The following MPRIP variants were observed in gnomAD, a reference collection of about 807,000 sequenced individuals.
The protein encoded by MPRIP is myosin phosphatase Rho-interacting protein.
Under a neutral mutation model 234.9 loss-of-function variants are expected in MPRIP, and 59 were observed. The ratio of observed to expected loss-of-function variants is 0.25; its 90% CI spans 0.20 to 0.31. The LOEUF (loss-of-function observed/expected upper bound fraction) is 0.31. MPRIP is among the 10% of genes least tolerant of loss of function. MPRIP has a pLI of 1.00. For missense variants in MPRIP, 2,436 were observed against 3,071.0 expected (o/e 0.79, Z 4.89); for synonymous variants, 1,144 against 1,263.9 (o/e 0.91, Z 2.01).
Position 17,166,988 on chromosome 17 carries a change from C to A in MPRIP, c.5397C>A (p.Ala1799=), listed in dbSNP as rs2046014154. ...KASLLEEIAA[A]LPSLPPVESL... ...GCCTCTTAGAGGAGATAGCGGCTGC[C>A]TTACCATCTCTGCCACCTGTGGAAT... Residue 1799 remains alanine, a synonymous_variant, in exon 16 of 24, where the codon GCC becomes GCA. Coordinates refer to ENST00000651222, the MANE Select transcript of MPRIP (RefSeq NM_001364716.4). The surrounding 1 kb of genome is among the most constrained non-coding windows in gnomAD (Gnocchi z 4.4). 1 of 1,304,118 alleles carries A rather than the reference C, an allele frequency of 7.7e-7. No individual in the cohort carries two copies. The highest frequency in any genetic ancestry group is 1.5e-5 in the African/African-American group (1 of 65,868). 80.8% of individuals were successfully genotyped at this position (1,304,118 alleles called of 1,614,324 possible).
At position 17,142,409 on chromosome 17, in the gene MPRIP, G is replaced by A. The variant is rs2144505681; in HGVS notation, c.1251-218G>A. 1.5e-5 allele frequency: 8 copies of A among 524,640 alleles called. No individual in the cohort carries two copies. In the South Asian group the frequency reaches 1.6e-4, roughly 10 times the overall value. 32.5% of individuals were successfully genotyped at this position (524,640 alleles called of 1,614,324 possible). A position where few individuals can be genotyped will look rare whatever the true frequency, so the allele number is the denominator to read the frequency against. On this transcript the variant is annotated intron_variant, in intron 7 of 23. Coordinates refer to ENST00000651222, the MANE Select transcript of MPRIP (RefSeq NM_001364716.4). ...AGCCTGCAGGGCCTCTAGCGCGGGG[G>A]CAGAGGGTAGGGGCAAGCGCAGGCC...
chr17:17,103,168 A>G (rs1027029993), intron 3 of MPRIP, among the ~76,000 whole-genome samples: 10 of 152,220 alleles, frequency 6.6e-5, no homozygotes, highest in African/African-American at 2.2e-4. Flanking sequence ...GCAGCCACAG[A>G]TTAAGTCACT....
Position 17,166,208 on chromosome 17 carries a change from C to T in MPRIP, c.4617C>T (p.Thr1539=), listed in dbSNP as rs773158066. The change falls in exon 16 of 24, where the codon ACC becomes ACT. Residue 1539 remains threonine, a synonymous_variant. Transcript: ENST00000651222. The surrounding 1 kb of genome is among the most constrained non-coding windows in gnomAD (Gnocchi z 4.4). ...GARAQLETGG[T]EENGKPASLQ... is the part of the protein sequence containing the mutation. ...GTGCACAGCTGGAGACAGGTGGCAC[C>T]GAGGAGAATGGGAAGCCTGCCTCCC... The T allele has an allele frequency of 7.8e-5, 101 of 1,303,016 alleles. No homozygotes were observed. The highest frequency in any genetic ancestry group is 1.2e-4 in the Admixed American group (5 of 43,474). The allele number at this position is 1,303,016 out of a possible 1,614,324, so 80.7% of individuals were successfully genotyped here.
In MPRIP at chr17:17,142,785, C is replaced by T. The variant is rs1567746329; in HGVS notation, c.1389+20C>T. Reference sequence around the variant, plus strand: ...AAGCGGGTGAGCTCCTGGGGCTGGGCAGCACCTCAGGGGTGGCTCGGGGGC... The same window carrying T: ...AAGCGGGTGAGCTCCTGGGGCTGGGTAGCACCTCAGGGGTGGCTCGGGGGC... On this transcript the variant is annotated intron_variant, in intron 8 of 23. Coordinates refer to ENST00000651222, the MANE Select transcript of MPRIP (RefSeq NM_001364716.4). The T allele has an allele frequency of 6.2e-7, 1 of 1,610,152 alleles. No individual in the cohort carries two copies. Among genetic ancestry groups the T allele is most frequent in the South Asian group, 1.1e-5 (1 of 90,658 alleles).
intron 9 of MPRIP, among the ~76,000 whole-genome samples, chr17:17,144,364 G>A (rs2045410281): frequency 1.3e-5 from 2 of 152,212 alleles, no homozygotes; most frequent in Admixed American, 6.5e-5. Flanking sequence ...TAAGGTTTGG[G>A]TTTTTCCTTC....
chr17:17,095,440 A>G (rs1161803557), intron 3 of MPRIP, among the ~76,000 whole-genome samples: 2 of 152,168 alleles, frequency 1.3e-5, no homozygotes, highest in Non-Finnish European at 2.9e-5. Flanking sequence ...TCTCCATTAC[A>G]TGGAGAATGA....
intron 22 of MPRIP, among the ~76,000 whole-genome samples, chr17:17,178,023 G>A (rs1334222455): frequency 1.3e-5 from 2 of 151,324 alleles, no homozygotes; most frequent in African/African-American, 4.9e-5. Flanking sequence ...CCAGGCTCAA[G>A]GATTCTCCCA....
At chr17:17,154,037 G>C (rs951268080) in intron 12 of MPRIP, among the ~76,000 whole-genome samples, 5 of 147,916 alleles carry the variant, frequency 3.4e-5, no homozygotes, top group African/African-American at 1.3e-4. Context: ...TGCGTAGTGG[G>C]TGCTCAGTAA....
chr17:17,101,420 A>G (rs2089957872), intron 3 of MPRIP, among the ~76,000 whole-genome samples: 1 of 152,142 alleles, frequency 6.6e-6, no homozygotes, highest in Non-Finnish European at 1.5e-5. Context: ...TACAAAAATT[A>G]GCCAGACATG....
chr17:17,071,699 C>T (rs1001371672), intron 1 of MPRIP, among the ~76,000 whole-genome samples: 4 of 152,174 alleles, frequency 2.6e-5, no homozygotes, highest in Non-Finnish European at 5.9e-5. Context: ...GAGTGAAGGC[C>T]GAGTTTAATT....
chr17:17,091,093 G>A (rs1259233785), intron 3 of MPRIP, among the ~76,000 whole-genome samples: 2 of 150,710 alleles, frequency 1.3e-5, no homozygotes, highest in African/African-American at 2.4e-5. Context: ...CTCGGGGGCG[G>A]TTGGGGAGGG....
chr17:17,173,783 C>A, intron 18 of MPRIP, 133 bp from the exon 19 acceptor site: 1 of 1,037,648 alleles, frequency 9.6e-7, no homozygotes, highest in Non-Finnish European at 1.5e-6. Flanking sequence ...TCTGTATGAC[C>A]CAGGCTGATT....
intron 11 of MPRIP, among the ~76,000 whole-genome samples, chr17:17,147,881 A>G (rs1049343884): frequency 6.6e-6 from 1 of 152,230 alleles, no homozygotes; most frequent in African/African-American, 2.4e-5. Flanking sequence ...TCTGTGGTCA[A>G]GGACCAAATA....
chr17:17,114,509 T>C (rs143883765), intron 3 of MPRIP, among the ~76,000 whole-genome samples: 1 of 152,354 alleles, frequency 6.6e-6, no homozygotes, highest in East Asian at 1.9e-4. Flanking sequence ...CAGGGCTTTT[T>C]TCCTTGGTCT....
intron 8 of MPRIP, 81 bp downstream of exon 8, chr17:17,142,846 A>G: frequency 6.6e-7 from 1 of 1,506,904 alleles, no homozygotes; most frequent in East Asian, 2.3e-5. Context: ...AGTCCCCTCC[A>G]CACAGGCCTG....
chr17:17,169,182 CTG>C, intron 16 of MPRIP: 1 of 365,754 alleles, frequency 2.7e-6, no homozygotes, highest in Non-Finnish European at 5.5e-6. Context: ...TATGATGGCA[CTG>C]TGGTCAGTTC....
At chr17:17,120,683 G>A (rs536514585) in intron 3 of MPRIP, among the ~76,000 whole-genome samples, 1 of 147,374 alleles carries the variant, frequency 6.8e-6, no homozygotes, top group East Asian at 2.1e-4. Context: ...CCTACAGAGG[G>A]CCGTCTCTTT....
At chr17:17,176,949 A>G (rs1293945278) in intron 21 of MPRIP, among the ~76,000 whole-genome samples, 1 of 152,154 alleles carries the variant, frequency 6.6e-6, no homozygotes, top group Non-Finnish European at 1.5e-5. Flanking sequence ...GAAGCCCACA[A>G]GGGAGGGGCC....
At chr17:17,122,666 TTA>T (rs2090414881) in intron 3 of MPRIP, among the ~76,000 whole-genome samples, 1 of 152,212 alleles carries the variant, frequency 6.6e-6, no homozygotes, top group African/African-American at 2.4e-5. Context: ...GGGAGCTATT[TTA>T]TAGCAGGTCC....
Sources: gnomAD v4.1 joint callset for allele counts (sites outside exome capture counted in the v4.1 genomes callset) on GRCh38, gnomAD v4.1.1 for gene constraint, Gnocchi (gnomAD v3.1) non-coding constraint, MANE v1.5 for transcripts, NCBI Gene and HGNC (gene_info 2026-07-23, HGNC 2026-07-21) for gene names.